Variants in ZNF521 observed in about 807,000 individuals in gnomAD.
The protein encoded by ZNF521 is zinc finger protein 521.
Under a neutral mutation model 105.5 loss-of-function variants are expected in ZNF521, and 14 were observed. The observed-to-expected ratio is 0.13, with a 90% CI of 0.09 to 0.21. The LOEUF (loss-of-function observed/expected upper bound fraction) is 0.21. Ranked by LOEUF, ZNF521 falls within the 10% of genes least tolerant of loss-of-function variation. ZNF521 has a pLI of 1.00. For synonymous variants in ZNF521, 635 were observed against 606.0 expected (o/e 1.05, Z -0.70); for missense variants, 1,233 against 1,629.7 (o/e 0.76, Z 4.19).
intron 2 of ZNF521, chr18:25,327,337 C>A: frequency 1.3e-6 from 1 of 760,134 alleles, no homozygotes; most frequent in Non-Finnish European, 1.6e-6. Flanking sequence ...CTCAGGTTAA[C>A]AACCATCTTG....
rs536905862 is a variant in ZNF521 at position 25,335,537 on chromosome 18, C to T, written c.41-13350G>A. 6.6e-5 allele frequency among the ~76,000 whole-genome samples: 10 copies of T among 152,260 alleles called. No individual in the cohort carries two copies. The East Asian group carries it at 1.3e-3, about 21-fold the overall frequency. ...TGTTTTCCAGAATATCTATATTAAG[C>T]GATCCCAAAGTGAAATTTCCTTTGT... On this transcript the variant is annotated intron_variant, in intron 2 of 7. Transcript: ENST00000361524.
intron 3 of ZNF521, among the ~76,000 whole-genome samples, chr18:25,234,645 A>C (rs1234180600): frequency 2.0e-5 from 3 of 152,194 alleles, no homozygotes; most frequent in Non-Finnish European, 4.4e-5. Context: ...GTACTGCTAA[A>C]ATCTAAAAAT....
intron 7 of ZNF521, among the ~76,000 whole-genome samples, chr18:25,072,456 TG>T (rs2033248876): frequency 6.6e-6 from 1 of 152,168 alleles, no homozygotes; most frequent in East Asian, 1.9e-4. Flanking sequence ...CTATCTGTTG[TG>T]CATACCTGAC....
At chr18:25,205,836 A>G (rs1046956437) in intron 4 of ZNF521, among the ~76,000 whole-genome samples, 1 of 152,176 alleles carries the variant, frequency 6.6e-6, no homozygotes, top group African/African-American at 2.4e-5. Flanking sequence ...AGTCATCACA[A>G]ATTTCAAAAG....
chr18:25,127,602 A>T (rs2034561549), intron 5 of ZNF521, among the ~76,000 whole-genome samples: 1 of 152,078 alleles, frequency 6.6e-6, no homozygotes, highest in Non-Finnish European at 1.5e-5. Context: ...TTTGGAAAGG[A>T]GCCAACAAAT....
intron 3 of ZNF521, among the ~76,000 whole-genome samples, chr18:25,241,562 C>T (rs1284909232): frequency 6.6e-6 from 1 of 152,000 alleles, no homozygotes; most frequent in African/African-American, 2.4e-5. Flanking sequence ...GTAACAGTTC[C>T]AAGCCTTAGG....
intron 5 of ZNF521, among the ~76,000 whole-genome samples, chr18:25,147,002 T>C (rs2034957450): frequency 6.6e-6 from 1 of 152,166 alleles, no homozygotes. Flanking sequence ...GCATCAGATA[T>C]AGGATACACG....
chr18:25,346,962 C>A (rs753966792), intron 2 of ZNF521, among the ~76,000 whole-genome samples: 2 of 152,080 alleles, frequency 1.3e-5, no homozygotes, highest in African/African-American at 2.4e-5. Flanking sequence ...TATAGTGGAC[C>A]ACTTTTTCCT....
At chr18:25,133,803 T>C (rs1452099724) in intron 5 of ZNF521, among the ~76,000 whole-genome samples, 1 of 152,154 alleles carries the variant, frequency 6.6e-6, no homozygotes, top group Non-Finnish European at 1.5e-5. Flanking sequence ...GGGTCTCTTT[T>C]TTTTTAATGT....
intron 5 of ZNF521, among the ~76,000 whole-genome samples, chr18:25,155,235 T>G (rs776575470): frequency 2.0e-5 from 3 of 152,198 alleles, no homozygotes; most frequent in Non-Finnish European, 4.4e-5. Flanking sequence ...TCTTTACCCA[T>G]TTTTTAATTG....
chr18:25,260,543 C>G (rs2144891137), intron 3 of ZNF521, among the ~76,000 whole-genome samples: 1 of 152,110 alleles, frequency 6.6e-6, no homozygotes, highest in South Asian at 2.1e-4. Flanking sequence ...TTTAAAAATT[C>G]AATGGAAAAA....
intron 3 of ZNF521, among the ~76,000 whole-genome samples, chr18:25,310,582 A>C (rs1220225701): frequency 1.3e-5 from 2 of 152,176 alleles, no homozygotes; most frequent in Non-Finnish European, 1.5e-5. Context: ...AGTTTGAAAA[A>C]AATAGTGAAA....
chr18:25,349,541 G>A (rs181838386), intron 2 of ZNF521, among the ~76,000 whole-genome samples: 1 of 152,292 alleles, frequency 6.6e-6, no homozygotes, highest in Non-Finnish European at 1.5e-5. Context: ...AAGAAAGAAA[G>A]GGCTTTGTGT....
intron 3 of ZNF521, among the ~76,000 whole-genome samples, chr18:25,305,846 A>G (rs1911943965): frequency 6.6e-6 from 1 of 152,204 alleles, no homozygotes; most frequent in Non-Finnish European, 1.5e-5. Context: ...AATACCAACA[A>G]TACTAACACT....
intron 7 of ZNF521, among the ~76,000 whole-genome samples, chr18:25,069,783 T>G (rs2033169914): frequency 6.6e-6 from 1 of 152,196 alleles, no homozygotes; most frequent in Admixed American, 6.5e-5. Context: ...ACTCATAATC[T>G]TTACATTTGT....
intron 5 of ZNF521, among the ~76,000 whole-genome samples, chr18:25,190,240 TCAAA>T (rs1342848184): frequency 6.6e-6 from 1 of 151,926 alleles, no homozygotes; most frequent in African/African-American, 2.4e-5. Context: ...TTGTAAGCAA[TCAAA>T]TAAGGATTTT....
chr18:25,146,366 T>C (rs943053927), intron 5 of ZNF521, among the ~76,000 whole-genome samples: 5 of 152,202 alleles, frequency 3.3e-5, no homozygotes, highest in Admixed American at 1.3e-4. Flanking sequence ...TTAATTCTCA[T>C]AGTTGTCATA....
intron 3 of ZNF521, among the ~76,000 whole-genome samples, chr18:25,274,349 C>A (rs28753802): frequency 0.068 from 10,289 of 152,222 alleles, 409 homozygotes; most frequent in African/African-American, 0.11. Flanking sequence ...AGAAGGCGGT[C>A]TCTTCTAACT....
chr18:25,131,273 G>A (rs979177657), intron 5 of ZNF521, among the ~76,000 whole-genome samples: 40 of 152,074 alleles, frequency 2.6e-4, no homozygotes, highest in African/African-American at 8.9e-4. Flanking sequence ...TAAAGTCCTT[G>A]GCATGGCATA....
Sources: allele counts gnomAD v4.1 joint callset (sites outside exome capture counted in the v4.1 genomes callset), GRCh38; gene constraint gnomAD v4.1.1; transcripts MANE v1.5; gene names NCBI Gene and HGNC (gene_info 2026-07-23, HGNC 2026-07-21).